Variants in LRRC37A2 observed in about 807,000 individuals in gnomAD.
The protein encoded by LRRC37A2 is leucine rich repeat containing 37 member A2, also known as leucine-rich repeat-containing protein 37A2.
In LRRC37A2, 9 loss-of-function variants were observed where a neutral mutation model predicts 68.8. The observed-to-expected ratio is 0.13, with a 90% confidence interval of 0.08 to 0.23. LRRC37A2 has a LOEUF of 0.23. LRRC37A2 is among the 10% of genes least tolerant of loss of function. The pLI, the probability that LRRC37A2 is intolerant of heterozygous loss-of-function variation, is 1.00. For synonymous variants in LRRC37A2, 63 were observed against 367.6 expected, an observed-to-expected ratio of 0.17 and a Z score of 9.48; for missense variants, 168 against 950.4, an observed-to-expected ratio of 0.18 and a Z score of 10.82.
chr17:46,588,764 G>A, the LRRC37A2 span, among the ~76,000 whole-genome samples: 1 of 100,572 alleles, frequency 9.9e-6, no homozygotes, highest in African/African-American at 5.1e-5. Context: ...AAGGAAACTA[G>A]GCCAGGCGTG....
chr17:46,721,609 A>G, the LRRC37A2 span: 1 of 1,579,720 alleles, frequency 6.3e-7, no homozygotes, highest in South Asian at 1.1e-5. Flanking sequence ...GGAATTCAAA[A>G]TTAACATCCT....
chr17:46,858,724 T>G, the LRRC37A2 span, among the ~76,000 whole-genome samples: 2 of 152,186 alleles, frequency 1.3e-5, no homozygotes, highest in Non-Finnish European at 2.9e-5. Flanking sequence ...ACTAAATGTG[T>G]TACACAATCA....
intron 6 of LRRC37A2, among the ~76,000 whole-genome samples, chr17:46,534,043 GCT>G (rs1182884128): frequency 8.3e-6 from 1 of 120,828 alleles, no homozygotes; most frequent in Non-Finnish European, 1.6e-5. Context: ...ACAGGGTCTT[GCT>G]CTGTTACCCA....
At chr17:46,806,379 T>C in the LRRC37A2 span, among the ~76,000 whole-genome samples, 1 of 152,004 alleles carries the variant, frequency 6.6e-6, no homozygotes, top group South Asian at 2.1e-4. Context: ...CCGGCTAATT[T>C]TGTATTTTTA....
At chr17:46,738,511 A>G in the LRRC37A2 span, among the ~76,000 whole-genome samples, 3 of 152,356 alleles carry the variant, frequency 2.0e-5, no homozygotes, top group South Asian at 2.1e-4. Flanking sequence ...AAGGACCATC[A>G]TAACAAACCA....
chr17:46,817,633 G>GCC, the LRRC37A2 span, among the ~76,000 whole-genome samples: 10 of 146,262 alleles, frequency 6.8e-5, no homozygotes, highest in African/African-American at 2.6e-4. Flanking sequence ...GACACGCACA[G>GCC]CCCCCCCCAA....
At chr17:46,938,807 G>T in the LRRC37A2 span, 2 of 1,609,946 alleles carry the variant, frequency 1.2e-6, no homozygotes, top group African/African-American at 1.3e-5. Flanking sequence ...GCCTGCAAGT[G>T]TGTGTGTGTG....
chr17:46,950,711 G>T, the LRRC37A2 span, among the ~76,000 whole-genome samples: 1 of 152,152 alleles, frequency 6.6e-6, no homozygotes, highest in Non-Finnish European at 1.5e-5. Flanking sequence ...TGGCTTGAGA[G>T]GGCAGGGACT....
At chr17:46,859,820 G>A in the LRRC37A2 span, among the ~76,000 whole-genome samples, 1 of 152,076 alleles carries the variant, frequency 6.6e-6, no homozygotes, top group Non-Finnish European at 1.5e-5. Flanking sequence ...CTGCTGATTT[G>A]CACACAGGCC....
the LRRC37A2 span, among the ~76,000 whole-genome samples, chr17:46,765,421 T>C: frequency 1.3e-5 from 2 of 152,198 alleles, no homozygotes; most frequent in Non-Finnish European, 1.5e-5. Context: ...CCAGAGACAC[T>C]GGGTAAAAGC....
At chr17:46,930,464 A>G in the LRRC37A2 span, 1 of 151,762 alleles carries the variant, frequency 6.6e-6, no homozygotes, top group Non-Finnish European at 1.5e-5. Context: ...AGGGAAAATG[A>G]CCGTATTTAT....
chr17:47,001,112 G>A, the LRRC37A2 span, among the ~76,000 whole-genome samples: 2 of 152,130 alleles, frequency 1.3e-5, no homozygotes, highest in Non-Finnish European at 2.9e-5. Context: ...CTCCAGTCTG[G>A]GCGACCTTCC....
the LRRC37A2 span, among the ~76,000 whole-genome samples, chr17:46,734,332 C>T: frequency 6.6e-6 from 1 of 151,984 alleles, no homozygotes; most frequent in Non-Finnish European, 1.5e-5. Context: ...GTCATTTTGC[C>T]AGACACATTA....
chr17:46,944,066 C>T, the LRRC37A2 span, among the ~76,000 whole-genome samples: 1 of 152,202 alleles, frequency 6.6e-6, no homozygotes, highest in Non-Finnish European at 1.5e-5. Flanking sequence ...ATGGTGGCTC[C>T]TGGAGAGCTG....
the LRRC37A2 span, among the ~76,000 whole-genome samples, chr17:46,945,150 G>A: frequency 6.6e-6 from 1 of 152,218 alleles, no homozygotes; most frequent in Non-Finnish European, 1.5e-5. Flanking sequence ...GGGAGCAGTC[G>A]AGGGGCAGGA....
chr17:46,709,073 T>A, the LRRC37A2 span, among the ~76,000 whole-genome samples: 1 of 151,962 alleles, frequency 6.6e-6, no homozygotes, highest in Non-Finnish European at 1.5e-5. Context: ...TCCACCCACC[T>A]TGGCCTCCCA....
At chr17:46,969,193 G>A in the LRRC37A2 span, among the ~76,000 whole-genome samples, 169 of 152,292 alleles carry the variant, frequency 1.1e-3, 1 homozygote, top group African/African-American at 3.9e-3. Context: ...ACCTTCCCAG[G>A]TTTCCAGAGC....
the LRRC37A2 span, among the ~76,000 whole-genome samples, chr17:46,759,337 C>T: frequency 1.3e-5 from 2 of 152,192 alleles, no homozygotes; most frequent in East Asian, 1.9e-4. Context: ...GTCCTGGAGA[C>T]GAGCCCACAA....
the LRRC37A2 span, among the ~76,000 whole-genome samples, chr17:47,020,676 G>A: frequency 1.3e-5 from 2 of 149,734 alleles, no homozygotes; most frequent in African/African-American, 4.9e-5. Flanking sequence ...CAGCTACTCG[G>A]GAGGCTGAGG....
Sources: allele counts gnomAD v4.1 joint callset (sites outside exome capture counted in the v4.1 genomes callset), GRCh38; gene constraint gnomAD v4.1.1; transcripts MANE v1.5; gene names NCBI Gene and HGNC (gene_info 2026-07-23, HGNC 2026-07-21).